CYBB: variants seen among roughly 807,000 people sequenced by gnomAD.
CYBB encodes cytochrome b-245 beta chain.
In CYBB, 5 loss-of-function variants were observed where a neutral mutation model predicts 46.5. The ratio of observed to expected loss-of-function variants is 0.11; its 90% CI spans 0.06 to 0.23. The LOEUF is 0.23. CYBB is among the 10% of genes least tolerant of loss of function. The probability of loss-of-function intolerance (pLI) is 1.00; values close to 1 mark genes in which losing one functional copy is unlikely to be tolerated. For missense variants in CYBB, 307 were observed against 428.3 expected, an observed-to-expected ratio of 0.72 and a Z score of 2.50; for synonymous variants, 183 against 156.7, an observed-to-expected ratio of 1.17 and a Z score of -1.26.
intron 3 of CYBB, among the ~76,000 whole-genome samples, chrX:37,790,199 G>T (rs900362763): frequency 8.9e-5 from 10 of 112,115 alleles, no homozygotes; most frequent in African/African-American, 2.3e-4. Context: ...CCAATGATAT[G>T]ATATGATCAT....
chrX:37,802,524 G>A (rs782444458), intron 8 of CYBB, among the ~76,000 whole-genome samples: 11 of 111,827 alleles, frequency 9.8e-5, no homozygotes, highest in Admixed American at 1.9e-4. Context: ...TTGTGCCTAT[G>A]ATAGCAAAAT....
chrX:37,801,437 G>A, intron 8 of CYBB, 89 bp downstream of exon 8: 2 of 616,469 alleles, frequency 3.2e-6, no homozygotes, highest in Non-Finnish European at 5.6e-6. Flanking sequence ...TTGATCAGAT[G>A]TTACAACAGA....
At chrX:37,807,346 A>T (rs1344886267) in intron 11 of CYBB, among the ~76,000 whole-genome samples, 14 of 109,787 alleles carry the variant, frequency 1.3e-4, no homozygotes, top group African/African-American at 4.6e-4. Flanking sequence ...TTATATATGT[A>T]TCATATATAT....
Position 37,793,744 on chromosome X carries a change from A to G in CYBB, c.417A>G (p.Val139=), listed in dbSNP as rs782544766. The G allele has an allele frequency of 1.7e-6, 2 of 1,207,446 alleles. No individual in the cohort carries two copies. Among genetic ancestry groups the G allele is most frequent in the Non-Finnish European group, 2.2e-6 (2 of 891,991 alleles). Residue 139 remains valine, a synonymous_variant, in exon 5 of 13, where the codon GTA becomes GTG. Coordinates refer to ENST00000378588, the MANE Select transcript of CYBB (RefSeq NM_000397.4). Reference sequence around the variant, plus strand: ...TCAATAATTCTGATCCTTATTCAGTAGCACTCTCTGAACTTGGAGACAGGC... The same window carrying G: ...TCAATAATTCTGATCCTTATTCAGTGGCACTCTCTGAACTTGGAGACAGGC... ...ARVNNSDPYS[V]ALSELGDRQN...
rs1303552228 is a variant in CYBB, at chrX:37,813,129, G to C, written c.*2212G>C. 1.8e-5 allele frequency: 2 copies of C among 108,899 alleles called. No homozygotes were observed. Among genetic ancestry groups the C allele is most frequent in the South Asian group, 4.0e-4 (1 of 2,516 alleles). The allele number at this position is 108,899 out of a possible 1,213,427, so 9.0% of individuals were successfully genotyped here. A position where few individuals can be genotyped will look rare whatever the true frequency, so the allele number is the denominator to read the frequency against. On this transcript the variant is annotated 3_prime_UTR_variant, in exon 13 of 13. Transcript: ENST00000378588. ...TGAGATAAAAAATGAATATAAGAGTGCTTGTCATTATAAAAGTTTCCTTTT... is the reference window on the plus strand; with the variant it reads ...TGAGATAAAAAATGAATATAAGAGTCCTTGTCATTATAAAAGTTTCCTTTT...
At chrX:37,796,791 C>T (rs374571554) in intron 6 of CYBB, among the ~76,000 whole-genome samples, 1 of 111,769 alleles carries the variant, frequency 8.9e-6, no homozygotes, top group East Asian at 2.8e-4. Flanking sequence ...ATAGTAATTG[C>T]AGACAAGAAA....
chrX:37,812,210 G>A lies in CYBB; in HGVS notation c.*1293G>A, dbSNP rs1317084572. 8.9e-6 allele frequency: 1 copy of A among 112,165 alleles called. No homozygotes were observed. The highest frequency in any genetic ancestry group is 9.4e-5 in the Admixed American group (1 of 10,591). 9.2% of individuals were successfully genotyped at this position (112,165 alleles called of 1,213,427 possible). On this transcript the variant is annotated 3_prime_UTR_variant, in exon 13 of 13. Transcript: ENST00000378588. ...ATGTTCTGAATATATGTTCAAGAGAGAGTCTCTAAATCACTGTTAGTGTGG... is the reference window on the plus strand; with the variant it reads ...ATGTTCTGAATATATGTTCAAGAGAAAGTCTCTAAATCACTGTTAGTGTGG...
At chrX:37,796,829 G>T (rs976602611) in intron 6 of CYBB, among the ~76,000 whole-genome samples, 42 of 111,881 alleles carry the variant, frequency 3.8e-4, no homozygotes, top group African/African-American at 1.3e-3. Context: ...AAAATATGCA[G>T]CCTAAGCCAC....
rs2228117 is a variant in CYBB, at chrX:37,803,981, G to A, written c.1002G>A (p.Lys334=). 9.7e-3 allele frequency: 11,724 copies of A among 1,209,331 alleles called. 698 individuals are homozygous for A. In the African/African-American group the frequency reaches 0.18, roughly 18 times the overall value. ...TTGTCAAGTGCCCAAAGGTGTCCAAGCTGGAGTGGCACCCTTTTACACTGA... is the reference window on the plus strand; with the variant it reads ...TTGTCAAGTGCCCAAAGGTGTCCAAACTGGAGTGGCACCCTTTTACACTGA... ...YIFVKCPKVS[K]LEWHPFTLTS... The change falls in exon 9 of 13, where the codon AAG becomes AAA. Residue 334 remains lysine (K), a synonymous_variant. Transcript: ENST00000378588.
Position 37,810,922 on chromosome X carries a change from T to A in CYBB, c.*5T>A. On this transcript the variant is annotated 3_prime_UTR_variant, in exon 13 of 13. Coordinates refer to ENST00000378588, the MANE Select transcript of CYBB (RefSeq NM_000397.4). The stretch of plus-strand genomic sequence containing the variant: ...TTCAACAAGGAAAACTTCTAACTTG[T>A]CTCTTCCATGAGGAAATAAATGTGG... 1.7e-6 allele frequency: 2 copies of A among 1,205,725 alleles called. No individual in the cohort carries two copies. Among genetic ancestry groups the A allele is most frequent in the Middle Eastern group, 2.3e-4 (1 of 4,340 alleles).
At chrX:37,809,061 TAC>T (rs782728314) in intron 11 of CYBB, among the ~76,000 whole-genome samples, 1 of 112,522 alleles carries the variant, frequency 8.9e-6, no homozygotes, top group Admixed American at 9.4e-5. Flanking sequence ...CACACACACA[TAC>T]ACACACACTA....
chrX:37,788,349 G>A (rs1176180731), intron 3 of CYBB, among the ~76,000 whole-genome samples: 1 of 111,761 alleles, frequency 8.9e-6, no homozygotes, highest in Admixed American at 9.5e-5. Flanking sequence ...GTATAGACAT[G>A]GGGGTAAATT....
intron 10 of CYBB, 52 bp downstream of exon 10, chrX:37,805,220 A>T (rs375473312): frequency 8.7e-7 from 1 of 1,151,390 alleles, no homozygotes; most frequent in Non-Finnish European, 1.2e-6. Flanking sequence ...ATACTCTGCC[A>T]TGTGAGGCCT....
chrX:37,809,712 A>G, intron 12 of CYBB, 21 bp downstream of exon 12: 2 of 1,207,524 alleles, frequency 1.7e-6, no homozygotes, highest in Non-Finnish European at 2.2e-6. Flanking sequence ...TGTCACCAAG[A>G]TGTTTTTGAG....
chrX:37,809,728 C>A lies in CYBB; in HGVS notation c.1586+37C>A, dbSNP rs781870367. On this transcript the variant is annotated intron_variant, in intron 12 of 12. Transcript: ENST00000378588. ...GTCACCAAGATGTTTTTGAGGCTTG[C>A]ATCTGCCTAAAGCGGCAGCCCCTAT... 46 of 1,197,750 alleles carry A rather than the reference C, an allele frequency of 3.8e-5. No individual in the cohort carries two copies. In the Middle Eastern group the frequency reaches 6.9e-4, roughly 18 times the overall value.
At chrX:37,784,248 C>T (rs1929012491) in intron 3 of CYBB, among the ~76,000 whole-genome samples, 1 of 111,776 alleles carries the variant, frequency 8.9e-6, no homozygotes, top group African/African-American at 3.3e-5. Context: ...ACAAAGATGA[C>T]AAACAAGGAA....
chrX:37,782,418 A>G (rs1322597674), intron 2 of CYBB, among the ~76,000 whole-genome samples: 2 of 112,361 alleles, frequency 1.8e-5, no homozygotes, highest in African/African-American at 6.5e-5. Context: ...ACCAAGAACC[A>G]TGTGCCATTG....
chrX:37,801,675 G>A (rs782374286), intron 8 of CYBB, among the ~76,000 whole-genome samples: 2 of 105,946 alleles, frequency 1.9e-5, no homozygotes, highest in South Asian at 8.5e-4. Flanking sequence ...GGCGACAGAG[G>A]CATTATTTGG....
At chrX:37,788,670 A>T (rs191635562) in intron 3 of CYBB, among the ~76,000 whole-genome samples, 131 of 111,465 alleles carry the variant, frequency 1.2e-3, no homozygotes, top group African/African-American at 4.1e-3. Flanking sequence ...TCACACGGCT[A>T]GGTGGGAGGA....
Sources: gnomAD v4.1 joint callset for allele counts (sites outside exome capture counted in the v4.1 genomes callset) on GRCh38, gnomAD v4.1.1 for gene constraint, MANE v1.5 for transcripts, NCBI Gene and HGNC (gene_info 2026-07-23, HGNC 2026-07-21) for gene names.